OVCH2: variants seen among roughly 807,000 people sequenced by gnomAD.
OVCH2 encodes the protein ovochymase-2.
A neutral mutation model predicts 73.7 loss-of-function variants in OVCH2; 88 were observed. That is an observed-to-expected ratio of 1.19 (90% CI 1.01 to 1.43). The LOEUF is 1.43. OVCH2 is among the 40% of genes most tolerant of loss of function. The probability of loss-of-function intolerance (pLI) is 0.00; values close to 1 mark genes in which losing one functional copy is unlikely to be tolerated. For missense variants in OVCH2, 706 were observed against 674.5 expected, an observed-to-expected ratio of 1.05 and a Z score of -0.52; for synonymous variants, 265 against 234.5, an observed-to-expected ratio of 1.13 and a Z score of -1.19.
chr11:7,697,443 C>T (rs1168601376), intron 8 of OVCH2, among the ~76,000 whole-genome samples: 2 of 152,198 alleles, frequency 1.3e-5, no homozygotes, highest in Admixed American at 6.5e-5. Flanking sequence ...TCCCTTGGAC[C>T]AGGTTCATTC....
intron 10 of OVCH2, among the ~76,000 whole-genome samples, chr11:7,695,970 T>A (rs1856324759): frequency 6.6e-6 from 1 of 152,202 alleles, no homozygotes; most frequent in Non-Finnish European, 1.5e-5. Flanking sequence ...ATGCTTCTCA[T>A]TCATTGCCAA....
At chr11:7,687,530 C>T (rs1032493639), downstream of OVCH2, among the ~76,000 whole-genome samples, 1 of 152,118 alleles carries the variant, frequency 6.6e-6, no homozygotes. Flanking sequence ...GTGAAATCTA[C>T]CTCCAGGGAG....
intron 13 of OVCH2, 45 bp downstream of exon 13, chr11:7,691,857 G>A: frequency 6.9e-7 from 1 of 1,450,804 alleles, no homozygotes; most frequent in Non-Finnish European, 9.4e-7. Flanking sequence ...TCAAGACTGG[G>A]TCCAAACACA....
chr11:7,693,626 C>T (rs1398131509), intron 12 of OVCH2, among the ~76,000 whole-genome samples: 1 of 152,188 alleles, frequency 6.6e-6, no homozygotes, highest in African/African-American at 2.4e-5. Flanking sequence ...AAATTTTATC[C>T]TCCACCACTA....
chr11:7,705,969 T>G (rs1856522712), intron 1 of OVCH2, among the ~76,000 whole-genome samples: 1 of 152,126 alleles, frequency 6.6e-6, no homozygotes, highest in South Asian at 2.1e-4. Flanking sequence ...TGCTTCCAAA[T>G]CCATGCTGAT....
the OVCH2 span, among the ~76,000 whole-genome samples, chr11:7,683,743 C>A: frequency 1.3e-5 from 2 of 152,190 alleles, no homozygotes; most frequent in Non-Finnish European, 2.9e-5. Context: ...TCCTGGCTGG[C>A]TTTCGTATAT....
At chr11:7,682,696 T>C in the OVCH2 span, among the ~76,000 whole-genome samples, 1 of 152,262 alleles carries the variant, frequency 6.6e-6, no homozygotes, top group Non-Finnish European at 1.5e-5. Context: ...CTCCTTATGA[T>C]CAGTTCCTTC....
chr11:7,700,232 G>A, intron 7 of OVCH2, 64 bp downstream of exon 7: 1 of 1,516,086 alleles, frequency 6.6e-7, no homozygotes, highest in Non-Finnish European at 9.0e-7. Flanking sequence ...CCAGGACTCT[G>A]CTGATGCTGT....
chr11:7,682,190 G>T, the OVCH2 span, among the ~76,000 whole-genome samples: 2 of 152,140 alleles, frequency 1.3e-5, no homozygotes, highest in African/African-American at 4.8e-5. Flanking sequence ...ATTTAGTTTG[G>T]AGAAGAAAAA....
chr11:7,701,556 CGCTTGGCAAG>C (rs1298629413), intron 5 of OVCH2, 81 bp from the exon 6 acceptor site: 2 of 1,530,348 alleles, frequency 1.3e-6, no homozygotes, highest in African/African-American at 2.8e-5. Context: ...GTGTTTGTGT[CGCTTGGCAAG>C]ACTTGAATTT....
intron 15 of OVCH2, 122 bp from the exon 16 acceptor site, chr11:7,689,724 G>A: frequency 3.0e-6 from 2 of 661,576 alleles, no homozygotes; most frequent in Non-Finnish European, 5.6e-6. Flanking sequence ...TACTGGATTA[G>A]GGCCCAGGCT....
Position 7,701,770 on chromosome 11 carries a change from G to T in OVCH2, c.505C>A (p.Gln169Lys), listed in dbSNP as rs753582529. The T allele has an allele frequency of 3.1e-6, 5 of 1,612,210 alleles. No individual in the cohort carries two copies. The highest frequency in any genetic ancestry group is 4.2e-6 in the Non-Finnish European group (5 of 1,179,362). Residue 169 changes from glutamine to lysine, a missense_variant, in exon 5 of 16, where the codon CAA (glutamine) becomes AAA (lysine). Transcript: ENST00000533663. ...GTACAAATAAAACCAGCCTCAAATT[G>T]CTCCCGCAGCTCTGGAAGACATATG... ...GPICLPELRE[Q>K]FEAGFICTTA... is the part of the protein sequence containing the mutation.
chr11:7,684,144 G>A, the OVCH2 span, among the ~76,000 whole-genome samples: 2 of 151,940 alleles, frequency 1.3e-5, no homozygotes, highest in African/African-American at 4.8e-5. Context: ...TCTATACCTG[G>A]ATACCTGGAT....
At chr11:7,679,924 C>T in the OVCH2 span, among the ~76,000 whole-genome samples, 1 of 152,198 alleles carries the variant, frequency 6.6e-6, no homozygotes, top group South Asian at 2.1e-4. Context: ...GTGGAGGTCC[C>T]TAGGGCACAG....
intron 6 of OVCH2, 53 bp downstream of exon 6, chr11:7,701,271 A>G: frequency 6.5e-7 from 1 of 1,545,580 alleles, no homozygotes; most frequent in East Asian, 2.3e-5. Context: ...AGAAGAAAAC[A>G]AAACCAAGGG....
At chr11:7,703,312 A>C (rs1856477522) in intron 3 of OVCH2, among the ~76,000 whole-genome samples, 1 of 152,164 alleles carries the variant, frequency 6.6e-6, no homozygotes, top group Admixed American at 6.6e-5. Context: ...TTTCTACTTT[A>C]CTGGTCTCCC....
chr11:7,678,824 A>G, the OVCH2 span, among the ~76,000 whole-genome samples: 14 of 152,186 alleles, frequency 9.2e-5, no homozygotes, highest in South Asian at 4.1e-4. Context: ...CTGAAAAACT[A>G]CTTATTGGCT....
At chr11:7,703,041 C>A (rs1457581983) in intron 3 of OVCH2, among the ~76,000 whole-genome samples, 1 of 152,200 alleles carries the variant, frequency 6.6e-6, no homozygotes, top group East Asian at 1.9e-4. Flanking sequence ...AAAGAAGAGT[C>A]AACTCTCTGG....
intron 1 of OVCH2, chr11:7,705,487 A>G (rs1297570687): frequency 6.6e-6 from 1 of 152,224 alleles, no homozygotes; most frequent in African/African-American, 2.4e-5. Context: ...CCTTAAGAGT[A>G]TAGCTATTTA....
Sources: gnomAD v4.1 joint callset for allele counts (sites outside exome capture counted in the v4.1 genomes callset) on GRCh38, gnomAD v4.1.1 for gene constraint, MANE v1.5 for transcripts, NCBI Gene and HGNC (gene_info 2026-07-23, HGNC 2026-07-21) for gene names.